MYH15: variants seen among roughly 807,000 people sequenced by gnomAD.
The protein encoded by MYH15 is myosin-15.
In MYH15, 227 loss-of-function variants were observed where a neutral mutation model predicts 240.5. The ratio of observed to expected loss-of-function variants is 0.94; its 90% confidence interval spans 0.85 to 1.05. The LOEUF (loss-of-function observed/expected upper bound fraction) is 1.05. MYH15 is among the 50% of genes least tolerant of loss of function. The pLI, the probability that MYH15 is intolerant of heterozygous loss-of-function variation, is 0.00. For synonymous variants in MYH15, 785 were observed against 796.7 expected (o/e 0.99, Z 0.25); for missense variants, 2,217 against 2,247.5 (o/e 0.99, Z 0.27).
At chr3:108,501,411 A>G (rs921578167) in intron 3 of MYH15, among the ~76,000 whole-genome samples, 1 of 152,216 alleles carries the variant, frequency 6.6e-6, no homozygotes, top group African/African-American at 2.4e-5. Flanking sequence ...CCCACTTTAT[A>G]GATAAGGCAA....
intron 1 of MYH15, among the ~76,000 whole-genome samples, chr3:108,509,338 T>A (rs2083503492): frequency 6.6e-6 from 1 of 152,234 alleles, no homozygotes; most frequent in African/African-American, 2.4e-5. Flanking sequence ...GGCTCAATTT[T>A]TTTTTCTTCC....
At chr3:108,441,348 T>A (rs927090395) in intron 22 of MYH15, 88 bp from the exon 23 acceptor site, 33 of 1,464,320 alleles carry the variant, frequency 2.3e-5, no homozygotes, top group Admixed American at 3.5e-5. Flanking sequence ...AGCAAAGAGA[T>A]AATTGCCTGC....
Position 108,408,264 on chromosome 3 carries a change from T to A in MYH15, c.4620+16A>T, listed in dbSNP as rs756664914. The A allele has an allele frequency of 6.2e-7, 1 of 1,600,886 alleles. No individual in the cohort carries two copies. Among genetic ancestry groups the A allele is most frequent in the Non-Finnish European group, 8.5e-7 (1 of 1,176,402 alleles). On this transcript the variant is annotated intron_variant, in intron 32 of 40. Transcript: ENST00000693548. ...TTGTCACAGTGAAAACTTTCTTTTC[T>A]CCCTGGTGATAATACCTCTGTTTCT...
chr3:108,451,451 T>A (rs1403161950), intron 21 of MYH15, among the ~76,000 whole-genome samples: 1 of 152,074 alleles, frequency 6.6e-6, no homozygotes, highest in Non-Finnish European at 1.5e-5. Context: ...ATGTAAAATT[T>A]TTTTAATAAA....
In MYH15 at chr3:108,460,384, A is replaced by C. The variant is rs771321353; in HGVS notation, c.1865-17T>G. ...ATGGTATAGCTAGCAAAAAAAAAAA[A>C]AGAAAAAGATGAAAACATGTAAAAA... On this transcript the variant is annotated splice_polypyrimidine_tract_variant and intron_variant, in intron 16 of 40. Transcript: ENST00000693548. The C allele has an allele frequency of 6.5e-7, 1 of 1,547,424 alleles. No homozygotes were observed. The highest frequency in any genetic ancestry group is 2.0e-5 in the Admixed American group (1 of 49,438).
At chr3:108,433,618 T>C (rs1576230699) in intron 25 of MYH15, among the ~76,000 whole-genome samples, 1 of 152,298 alleles carries the variant, frequency 6.6e-6, no homozygotes, top group Middle Eastern at 3.4e-3. Context: ...GTCTTTCCCA[T>C]GCTGTTCTCA....
intron 21 of MYH15, among the ~76,000 whole-genome samples, chr3:108,447,930 TA>T (rs2082941901): frequency 6.6e-6 from 1 of 152,072 alleles, no homozygotes; most frequent in South Asian, 2.1e-4. Flanking sequence ...TATACAATAC[TA>T]AAAAATATTA....
intron 25 of MYH15, among the ~76,000 whole-genome samples, chr3:108,433,260 G>A (rs1009809931): frequency 1.3e-5 from 2 of 152,158 alleles, no homozygotes; most frequent in South Asian, 2.1e-4. Flanking sequence ...CTTTGTTTGG[G>A]CCAATTTCTC....
intron 1 of MYH15, among the ~76,000 whole-genome samples, chr3:108,528,449 GAC>G (rs1004915071): frequency 6.6e-6 from 1 of 152,134 alleles, no homozygotes. Flanking sequence ...TGAGATTACA[GAC>G]ACACTAAAAT....
In MYH15 at chr3:108,381,555, T is replaced by C; in HGVS notation, c.5771A>G (p.Gln1924Arg). The C allele has an allele frequency of 6.2e-7, 1 of 1,613,872 alleles. No individual in the cohort carries two copies. The change falls in exon 41 of 41, where the codon CAA becomes CGA. Residue 1924 changes from glutamine (Q) to arginine (R), a missense_variant. Gln to Arg is a conservative substitution (Grantham distance 43). Transcript: ENST00000693548. ...TCAAAGCAGGGGATGCTATTCTTCT[T>C]GAACCTGAAAAACAGAATGTCAGTG... ...IKAREFGKKV[Q>R]EE
chr3:108,423,657 A>C (rs2082702535), intron 27 of MYH15, among the ~76,000 whole-genome samples: 1 of 152,200 alleles, frequency 6.6e-6, no homozygotes, highest in African/African-American at 2.4e-5. Flanking sequence ...TCCTCACGAT[A>C]TCTCTCAAAA....
intron 9 of MYH15, among the ~76,000 whole-genome samples, chr3:108,489,213 C>A (rs2083328195): frequency 6.6e-6 from 1 of 152,246 alleles, no homozygotes; most frequent in South Asian, 2.1e-4. Flanking sequence ...TCAGTAGATT[C>A]TCTCTTGATG....
chr3:108,398,954 C>A, intron 34 of MYH15, 114 bp from the exon 35 acceptor site: 1 of 1,454,620 alleles, frequency 6.9e-7, no homozygotes, highest in Non-Finnish European at 9.6e-7. Context: ...CTCCTTCTCT[C>A]TGGAAAGATT....
upstream of MYH15, among the ~76,000 whole-genome samples, chr3:108,531,781 T>A (rs922978021): frequency 4.2e-5 from 4 of 94,180 alleles, no homozygotes; most frequent in African/African-American, 1.4e-4. Flanking sequence ...CATCTCTAAA[T>A]AAATAAATAA....
At chr3:108,445,418 CTTCAGATTT>C (rs1410854159) in intron 21 of MYH15, among the ~76,000 whole-genome samples, 2 of 151,868 alleles carry the variant, frequency 1.3e-5, no homozygotes, top group Non-Finnish European at 2.9e-5. Flanking sequence ...ACAAATCCTG[CTTCAGATTT>C]TTTTTTAATG....
At chr3:108,534,032 G>C (rs2083730040), upstream of MYH15, among the ~76,000 whole-genome samples, 1 of 152,160 alleles carries the variant, frequency 6.6e-6, no homozygotes, top group Admixed American at 6.5e-5. Context: ...TTATACATTT[G>C]AAGAGCTTTT....
At chr3:108,496,042 T>C (rs1050946596) in intron 6 of MYH15, among the ~76,000 whole-genome samples, 170 bp from the exon 7 acceptor site, 3 of 152,178 alleles carry the variant, frequency 2.0e-5, no homozygotes, top group African/African-American at 7.2e-5. Flanking sequence ...AGAAAAACAG[T>C]TGGATGACAG....
intron 14 of MYH15, among the ~76,000 whole-genome samples, chr3:108,467,447 AC>A (rs1454797703): frequency 6.6e-6 from 1 of 152,258 alleles, no homozygotes; most frequent in East Asian, 1.9e-4. Flanking sequence ...TTGACTACTA[AC>A]ATGAAAAATT....
chr3:108,499,166 T>A (rs2083417342), intron 5 of MYH15, among the ~76,000 whole-genome samples: 1 of 152,164 alleles, frequency 6.6e-6, no homozygotes, highest in African/African-American at 2.4e-5. Context: ...TTTGGAACAG[T>A]GTAGCTCTCT....
Sources: gnomAD v4.1 joint callset for allele counts (sites outside exome capture counted in the v4.1 genomes callset) on GRCh38, gnomAD v4.1.1 for gene constraint, MANE v1.5 for transcripts, NCBI Gene and HGNC (gene_info 2026-07-23, HGNC 2026-07-21) for gene names.